EIF4ENIF1: variants seen among roughly 807,000 people sequenced by gnomAD.
The protein encoded by EIF4ENIF1 is eukaryotic translation initiation factor 4E transporter.
Under a neutral mutation model 110.5 loss-of-function variants are expected in EIF4ENIF1, and 23 were observed. That is an observed-to-expected ratio of 0.21 (90% CI 0.15 to 0.29). The LOEUF (loss-of-function observed/expected upper bound fraction) is 0.29, where lower values mean the gene tolerates loss of function less well. EIF4ENIF1 is among the 10% of genes least tolerant of loss of function. The pLI is 1.00. For missense variants in EIF4ENIF1, 1,031 were observed against 1,221.1 expected (o/e 0.84, Z 2.32); for synonymous variants, 440 against 437.0 (o/e 1.01, Z -0.09).
chr22:31,481,995 T>C (rs919742174), intron 2 of EIF4ENIF1, among the ~76,000 whole-genome samples: 8 of 151,114 alleles, frequency 5.3e-5, no homozygotes, highest in Non-Finnish European at 7.4e-5. Context: ...CATAATGAGA[T>C]CCTATCTCTA....
downstream of EIF4ENIF1, among the ~76,000 whole-genome samples, chr22:31,438,216 T>TTAAC (rs2050201574): frequency 6.6e-6 from 1 of 152,142 alleles, no homozygotes; most frequent in Non-Finnish European, 1.5e-5. Flanking sequence ...CTCTGGTAAA[T>TTAAC]TAACTTGAGT....
Position 31,458,464 on chromosome 22 carries a change from G to T in EIF4ENIF1, c.963+11C>A. The T allele has an allele frequency of 6.3e-7, 1 of 1,577,090 alleles. No homozygotes were observed. Among genetic ancestry groups the T allele is most frequent in the Non-Finnish European group, 8.7e-7 (1 of 1,154,828 alleles). On this transcript the variant is annotated intron_variant, in intron 7 of 18. Coordinates refer to ENST00000330125, the MANE Select transcript of EIF4ENIF1 (RefSeq NM_019843.4). ...TAACCACACATTTTTTAAGTGTGCT[G>T]CTACACTCACCGAAGCCAAGCATGG...
At chr22:31,471,601 A>T (rs1053305785) in intron 3 of EIF4ENIF1, among the ~76,000 whole-genome samples, 6 of 152,206 alleles carry the variant, frequency 3.9e-5, no homozygotes, top group South Asian at 2.1e-4. Context: ...GGCATAAGCC[A>T]CCATGCCCTG....
At chr22:31,474,667 G>T (rs2051510404) in intron 2 of EIF4ENIF1, among the ~76,000 whole-genome samples, 1 of 151,986 alleles carries the variant, frequency 6.6e-6, no homozygotes, top group Non-Finnish European at 1.5e-5. Flanking sequence ...TTTCAGTAGA[G>T]TTAGGAAATA....
chr22:31,454,862 C>G (rs1217142691), intron 9 of EIF4ENIF1, among the ~76,000 whole-genome samples: 1 of 152,074 alleles, frequency 6.6e-6, no homozygotes, highest in East Asian at 1.9e-4. Flanking sequence ...ATAAAACATT[C>G]ACTGGAGTTT....
chr22:31,439,200 C>T (rs111639415), downstream of EIF4ENIF1, among the ~76,000 whole-genome samples: 7 of 152,124 alleles, frequency 4.6e-5, no homozygotes, highest in Non-Finnish European at 4.4e-5. Context: ...GTTCCATCTA[C>T]TTGGGAGGCT....
At chr22:31,451,399 GAGT>G (rs2050669314) in intron 10 of EIF4ENIF1, 1 of 152,044 alleles carries the variant, frequency 6.6e-6, no homozygotes, top group Non-Finnish European at 1.5e-5. Context: ...TCAGCCTCCT[GAGT>G]AACTGGGACT....
intron 10 of EIF4ENIF1, 95 bp from the exon 11 acceptor site, chr22:31,450,455 G>A (rs1485179049): frequency 6.5e-6 from 6 of 925,740 alleles, no homozygotes; most frequent in East Asian, 2.6e-5. Context: ...ATACTCCTAG[G>A]GAGTTAATAG....
chr22:31,443,767 C>T (rs190455063), intron 15 of EIF4ENIF1, among the ~76,000 whole-genome samples: 152 of 150,250 alleles, frequency 1.0e-3, no homozygotes, highest in Non-Finnish European at 7.1e-4. Context: ...TCTTCTCTAT[C>T]GGCTTTGATT....
intron 2 of EIF4ENIF1, among the ~76,000 whole-genome samples, chr22:31,482,553 G>A (rs531910203): frequency 2.6e-5 from 4 of 151,966 alleles, no homozygotes; most frequent in East Asian, 3.9e-4. Flanking sequence ...ATCATGGCAC[G>A]TGCCTGTAAT....
intron 2 of EIF4ENIF1, among the ~76,000 whole-genome samples, chr22:31,486,806 C>T (rs761745178): frequency 1.3e-5 from 2 of 150,716 alleles, no homozygotes; most frequent in African/African-American, 2.5e-5. Flanking sequence ...AACGGCTGGG[C>T]GCAGTGGCTC....
rs1327997145 is a variant in EIF4ENIF1 at position 31,443,071 on chromosome 22, G to C, written c.2097C>G (p.Thr699=). The C allele has an allele frequency of 6.2e-7, 1 of 1,614,132 alleles. No homozygotes were observed. ...TSMLSPSFTP[T]SVIRKMYESK... The stretch of plus-strand genomic sequence containing the variant: ...TCTCGTACATCTTACGAATCACTGA[G>C]GTAGGGGTAAAGGAAGGAGAAAGCT... The change falls in exon 16 of 19, where the codon ACC becomes ACG. Residue 699 remains threonine, a synonymous_variant. Coordinates refer to ENST00000330125, the MANE Select transcript of EIF4ENIF1 (RefSeq NM_019843.4).
intron 10 of EIF4ENIF1, chr22:31,451,055 A>G (rs1946911628): frequency 6.6e-6 from 1 of 150,860 alleles, no homozygotes; most frequent in South Asian, 2.1e-4. Flanking sequence ...TAATTTTTAT[A>G]TTTTTTGTAG....
In EIF4ENIF1 at chr22:31,449,467, C is replaced by G. The variant is rs755372166; in HGVS notation, c.1649G>C (p.Ser550Thr). Residue 550 changes from serine to threonine, a missense_variant, in exon 12 of 19, where the codon AGC becomes ACC. Around this residue, in one of 3 missense-constraint regions of EIF4ENIF1, gnomAD observed 704 missense variants for 879.7 expected, o/e 0.80. Coordinates refer to ENST00000330125, the MANE Select transcript of EIF4ENIF1 (RefSeq NM_019843.4). ...SSNLLSGLMG[S>T]LEPTTSLLGQ... ...CAGTAAAGATGTTGTAGGCTCCAAG[C>G]TCCCCATAAGGCCACTCAGAAGATT... 6.2e-7 allele frequency: 1 copy of G among 1,614,130 alleles called. No homozygotes were observed. Among genetic ancestry groups the G allele is most frequent in the Admixed American group, 1.7e-5 (1 of 60,010 alleles).
intron 15 of EIF4ENIF1, 194 bp downstream of exon 15, chr22:31,444,412 G>A (rs759489811): frequency 1.8e-6 from 1 of 563,556 alleles, no homozygotes; most frequent in Non-Finnish European, 3.2e-6. Flanking sequence ...CCAATATAGG[G>A]GCTTCATTAA....
Position 31,448,145 on chromosome 22 carries a change from A to C in EIF4ENIF1, c.1848+8T>G. The stretch of plus-strand genomic sequence containing the variant: ...CAAGAGATTGAGTTTGAGAAAGCTC[A>C]GCCTGACCTGGGCTGTGATGGGGCT... On this transcript the variant is annotated splice_region_variant and intron_variant, in intron 13 of 18. Coordinates refer to ENST00000330125, the MANE Select transcript of EIF4ENIF1 (RefSeq NM_019843.4). The C allele has an allele frequency of 5.6e-6, 9 of 1,614,112 alleles. No homozygotes were observed. Among genetic ancestry groups the C allele is most frequent in the Non-Finnish European group, 7.6e-6 (9 of 1,179,950 alleles).
At chr22:31,483,707 T>C (rs976528443) in intron 2 of EIF4ENIF1, among the ~76,000 whole-genome samples, 1 of 152,146 alleles carries the variant, frequency 6.6e-6, no homozygotes, top group Non-Finnish European at 1.5e-5. Flanking sequence ...TGAGAACCAC[T>C]GTCTAAACCA....
downstream of EIF4ENIF1, among the ~76,000 whole-genome samples, chr22:31,438,962 C>T (rs1056440105): frequency 3.3e-5 from 5 of 152,144 alleles, no homozygotes; most frequent in African/African-American, 9.7e-5. Context: ...CCTTGTGATT[C>T]GCCTGCCTCT....
intron 3 of EIF4ENIF1, among the ~76,000 whole-genome samples, 195 bp downstream of exon 3, chr22:31,471,649 A>T (rs1189209663): frequency 3.3e-5 from 5 of 152,030 alleles, no homozygotes; most frequent in Non-Finnish European, 7.4e-5. Context: ...TGACTATGTG[A>T]CTCTGACCAG....
Sources: allele counts gnomAD v4.1 joint callset (sites outside exome capture counted in the v4.1 genomes callset), GRCh38; gene constraint gnomAD v4.1.1; regional missense constraint gnomAD v4.1.1; transcripts MANE v1.5; gene names NCBI Gene and HGNC (gene_info 2026-07-23, HGNC 2026-07-21).